The following GPR158 variants were observed in gnomAD, a reference collection of about 807,000 sequenced individuals.
The protein encoded by GPR158 is G protein-coupled receptor 158.
GPR158 carries 30 observed loss-of-function variants against 78.2 expected under a neutral mutation model. That is an observed-to-expected ratio of 0.38 (90% CI 0.29 to 0.52). GPR158 has a LOEUF of 0.52. GPR158 is among the 20% of genes least tolerant of loss of function. The pLI, the probability that GPR158 is intolerant of heterozygous loss-of-function variation, is 0.83. For missense variants in GPR158, 1,463 were observed against 1,523.5 expected (o/e 0.96, Z 0.66); for synonymous variants, 581 against 591.1 (o/e 0.98, Z 0.25).
At chr10:25,449,322 A>G (rs1165542762) in intron 4 of GPR158, among the ~76,000 whole-genome samples, 1 of 152,240 alleles carries the variant, frequency 6.6e-6, no homozygotes, top group African/African-American at 2.4e-5. Flanking sequence ...AGAATAATGT[A>G]AAATTGCAAT....
chr10:25,473,183 A>G (rs184252398), intron 5 of GPR158, among the ~76,000 whole-genome samples: 1,943 of 150,566 alleles, frequency 0.013, 49 homozygotes, highest in African/African-American at 0.045. Flanking sequence ...GAATTTTGTC[A>G]AAGGCCTTTT....
intron 2 of GPR158, among the ~76,000 whole-genome samples, chr10:25,245,965 G>T (rs1853684072): frequency 6.6e-6 from 1 of 152,152 alleles, no homozygotes; most frequent in East Asian, 1.9e-4. Context: ...CTATAAAATA[G>T]AATTTTGTTT....
intron 5 of GPR158, among the ~76,000 whole-genome samples, chr10:25,467,710 G>A (rs1456627229): frequency 6.6e-6 from 1 of 152,108 alleles, no homozygotes; most frequent in Non-Finnish European, 1.5e-5. Context: ...GAGTGGGCTG[G>A]TCTGGGTGGA....
intron 6 of GPR158, among the ~76,000 whole-genome samples, chr10:25,563,355 C>G (rs1029210252): frequency 2.6e-5 from 4 of 151,958 alleles, no homozygotes; most frequent in Non-Finnish European, 4.4e-5. Context: ...TACGGTAACT[C>G]TCTTATAGAA....
chr10:25,248,635 C>T (rs28786809), intron 2 of GPR158, among the ~76,000 whole-genome samples: 5 of 151,190 alleles, frequency 3.3e-5, no homozygotes, highest in Middle Eastern at 3.4e-3. Flanking sequence ...AGGTATGCGG[C>T]GTTATTTCTG....
chr10:25,425,748 T>G (rs1834811991), intron 4 of GPR158, among the ~76,000 whole-genome samples: 1 of 152,140 alleles, frequency 6.6e-6, no homozygotes, highest in South Asian at 2.1e-4. Flanking sequence ...ATATTGCCTC[T>G]TCTGCTTTAG....
At chr10:25,345,174 G>C (rs556572739) in intron 2 of GPR158, among the ~76,000 whole-genome samples, 5 of 151,846 alleles carry the variant, frequency 3.3e-5, no homozygotes, top group African/African-American at 7.2e-5. Context: ...CATCTAATCC[G>C]TTCCCTCAAT....
chr10:25,389,291 C>A (rs1485260596), intron 2 of GPR158, among the ~76,000 whole-genome samples: 9 of 152,124 alleles, frequency 5.9e-5, no homozygotes, highest in Admixed American at 4.6e-4. Flanking sequence ...GATGGGACAA[C>A]CAACTGCAGA....
At chr10:25,594,234 T>C in intron 8 of GPR158, 58 bp from the exon 9 acceptor site, 1 of 866,264 alleles carries the variant, frequency 1.2e-6, no homozygotes, top group East Asian at 2.4e-5. Flanking sequence ...CAAGTAATCC[T>C]AGTGTTCTAA....
intron 4 of GPR158, 150 bp from the exon 5 acceptor site, chr10:25,466,501 A>G (rs1201044212): frequency 7.5e-6 from 4 of 530,136 alleles, no homozygotes; most frequent in African/African-American, 1.9e-5. Flanking sequence ...CTAGTTTTTT[A>G]CCCACCTGAA....
Position 25,535,071 on chromosome 10 carries a change from G to T in GPR158, c.1405-15905G>T, listed in dbSNP as rs373382437. Among the ~76,000 whole-genome samples, 47 of 152,146 alleles carry T rather than the reference G, an allele frequency of 3.1e-4. No individual in the cohort carries two copies. The South Asian group carries it at 9.1e-3, about 30-fold the overall frequency. Reference sequence around the variant, plus strand: ...ATTCTTTCTCTAAATGCATACTCTGGGGATCTCATAGCTTTGTAGTCTATA... The same window carrying T: ...ATTCTTTCTCTAAATGCATACTCTGTGGATCTCATAGCTTTGTAGTCTATA... On this transcript the variant is annotated intron_variant, in intron 5 of 10. Coordinates refer to ENST00000376351, the MANE Select transcript of GPR158 (RefSeq NM_020752.3).
intron 2 of GPR158, among the ~76,000 whole-genome samples, chr10:25,235,315 C>A (rs1285177894): frequency 6.6e-6 from 1 of 152,000 alleles, no homozygotes; most frequent in East Asian, 1.9e-4. Flanking sequence ...TTCTCTTATT[C>A]TTACTACATC....
At chr10:25,595,030 T>TC (rs980169745) in intron 9 of GPR158, among the ~76,000 whole-genome samples, 3 of 152,142 alleles carry the variant, frequency 2.0e-5, no homozygotes, top group African/African-American at 7.2e-5. Flanking sequence ...TGGAGTTTTT[T>TC]TTCTCTGGGG....
intron 2 of GPR158, among the ~76,000 whole-genome samples, chr10:25,381,924 G>A (rs898562860): frequency 1.3e-5 from 2 of 152,134 alleles, no homozygotes; most frequent in African/African-American, 4.8e-5. Context: ...TTTGCTTGCG[G>A]GTTTTAAGCT....
chr10:25,288,624 T>C (rs186239190), intron 2 of GPR158, among the ~76,000 whole-genome samples: 70 of 152,324 alleles, frequency 4.6e-4, no homozygotes, highest in African/African-American at 1.4e-3. Context: ...TGTAATTGTA[T>C]CACATTAACT....
chr10:25,581,012 C>T (rs1837189759), intron 7 of GPR158, among the ~76,000 whole-genome samples: 1 of 148,044 alleles, frequency 6.8e-6, no homozygotes, highest in Non-Finnish European at 1.5e-5. Context: ...GCAAGCTCCG[C>T]TTCCCGGGTT....
chr10:25,317,711 A>C (rs1316170419), intron 2 of GPR158, among the ~76,000 whole-genome samples: 1 of 138,360 alleles, frequency 7.2e-6, no homozygotes, highest in Non-Finnish European at 1.5e-5. Context: ...TTTTCTTCGT[A>C]AAGTGTTTTT....
chr10:25,181,771 G>A (rs913467602), intron 1 of GPR158, among the ~76,000 whole-genome samples: 4 of 152,018 alleles, frequency 2.6e-5, no homozygotes, highest in Admixed American at 1.3e-4. Context: ...AGGCTGGAGT[G>A]CAGTGGCACG....
chr10:25,289,810 C>G (rs1043339606), intron 2 of GPR158, among the ~76,000 whole-genome samples: 1 of 152,084 alleles, frequency 6.6e-6, no homozygotes, highest in Non-Finnish European at 1.5e-5. Context: ...AACAATGTAT[C>G]AAGGGATTAT....
Sources: gnomAD v4.1 joint callset for allele counts (sites outside exome capture counted in the v4.1 genomes callset) on GRCh38, gnomAD v4.1.1 for gene constraint, MANE v1.5 for transcripts, NCBI Gene and HGNC (gene_info 2026-07-23, HGNC 2026-07-21) for gene names.